Variants in TRAPPC2 observed in about 807,000 individuals in gnomAD.
The protein encoded by TRAPPC2 is sedlin.
In TRAPPC2, 4 loss-of-function variants were observed where a neutral mutation model predicts 10.0. That is an observed-to-expected ratio of 0.40 (90% CI 0.20 to 0.92). TRAPPC2 has a LOEUF of 0.92. Among genes scored for constraint, TRAPPC2 ranks in the 40% least tolerant of loss-of-function variants. TRAPPC2 has a pLI of 0.35. For missense variants in TRAPPC2, 52 were observed against 108.7 expected, an observed-to-expected ratio of 0.48 and a Z score of 2.32; for synonymous variants, 36 against 37.3, an observed-to-expected ratio of 0.97 and a Z score of 0.12.
chrX:13,714,187 T>C lies in TRAPPC2; in HGVS notation c.*220A>G, dbSNP rs1172663570. 1.1e-5 allele frequency: 3 copies of C among 262,578 alleles called. No individual in the cohort carries two copies. In the Admixed American group the frequency reaches 2.0e-4, roughly 17 times the overall value. The allele number at this position is 262,578 out of a possible 1,213,427, so 21.6% of individuals were successfully genotyped here. Reference sequence around the variant, plus strand: ...AACATGATTATTGATAATGAACTCTTTATAAATAACACTGTTCACAAGGAA... The same window carrying C: ...AACATGATTATTGATAATGAACTCTCTATAAATAACACTGTTCACAAGGAA... On this transcript the variant is annotated 3_prime_UTR_variant, in exon 6 of 6. Transcript: ENST00000380579.
intron 2 of TRAPPC2, among the ~76,000 whole-genome samples, chrX:13,727,350 A>T (rs982330380): frequency 8.9e-6 from 1 of 112,379 alleles, no homozygotes; most frequent in Non-Finnish European, 1.9e-5. Context: ...CATAATTGGA[A>T]GTAAAGCACT....
intron 5 of TRAPPC2, among the ~76,000 whole-genome samples, chrX:13,714,763 T>C (rs1006861221): frequency 8.9e-6 from 1 of 112,094 alleles, no homozygotes. Flanking sequence ...CAGTTAACTT[T>C]CAGAATTTAC....
chrX:13,733,660 A>G (rs749840056), intron 2 of TRAPPC2, among the ~76,000 whole-genome samples: 14 of 112,193 alleles, frequency 1.2e-4, no homozygotes, highest in Non-Finnish European at 2.4e-4. Flanking sequence ...CTGTCCTCAC[A>G]GGACTTAGAT....
At position 13,713,415 on chromosome X, in the gene TRAPPC2, A is replaced by T. The variant is rs2046240375; in HGVS notation, c.*992T>A. On this transcript the variant is annotated 3_prime_UTR_variant, in exon 6 of 6. Coordinates refer to ENST00000380579, the MANE Select transcript of TRAPPC2 (RefSeq NM_001011658.4). ...CAGTGAGCCAAGACTGTGCCACTGCACTCCAGCCTGCACAACAGGAGCAAG... is the reference window on the plus strand; with the variant it reads ...CAGTGAGCCAAGACTGTGCCACTGCTCTCCAGCCTGCACAACAGGAGCAAG... The T allele has an allele frequency of 1.0e-5, 1 of 96,580 alleles. No individual in the cohort carries two copies. Among genetic ancestry groups the T allele is most frequent in the Non-Finnish European group, 2.0e-5 (1 of 50,007 alleles). The allele number at this position is 96,580 out of a possible 1,213,427, so 8.0% of individuals were successfully genotyped here. A position where few individuals can be genotyped will look rare whatever the true frequency, so the allele number is the denominator to read the frequency against.
intron 2 of TRAPPC2, among the ~76,000 whole-genome samples, chrX:13,733,156 A>T (rs1324741880): frequency 9.1e-6 from 1 of 109,681 alleles, no homozygotes; most frequent in Non-Finnish European, 1.9e-5. Flanking sequence ...TTTTTTTTTT[A>T]AACAGTGGAC....
In TRAPPC2 at chrX:13,716,090, G is replaced by A; in HGVS notation, c.239-1C>T. ...TCATGAAGCATAATAAACCTCATAT[G>A]TGAAATAATTAAGGCATAATCTTTC... On this transcript the variant is annotated splice_acceptor_variant, in intron 4 of 5. Coordinates refer to ENST00000380579, the MANE Select transcript of TRAPPC2 (RefSeq NM_001011658.4). LOFTEE classifies it high-confidence loss of function. 8.4e-7 allele frequency: 1 copy of A among 1,185,595 alleles called. No homozygotes were observed. Among genetic ancestry groups the A allele is most frequent in the Non-Finnish European group, 1.1e-6 (1 of 879,505 alleles).
intron 2 of TRAPPC2, 22 bp from the exon 3 acceptor site, chrX:13,720,004 C>G: frequency 1.0e-6 from 1 of 990,613 alleles, no homozygotes; most frequent in Non-Finnish European, 1.3e-6. Flanking sequence ...AAAAATAGTA[C>G]ATATTTTTAG....
chrX:13,732,968 G>A (rs934047939), intron 2 of TRAPPC2, among the ~76,000 whole-genome samples: 5 of 112,297 alleles, frequency 4.5e-5, no homozygotes, highest in Non-Finnish European at 7.5e-5. Context: ...ATGAGGAGGG[G>A]CAGTAGGAAT....
rs141195011 is a variant in TRAPPC2 at position 13,725,452 on chromosome X, C to T, written c.-19-5470G>A. ...TGTTCTGCAGCCTCTGCTGGTGATA[C>T]CCAGGCAAACGGGGTCTGGAGTGGA... On this transcript the variant is annotated intron_variant, in intron 2 of 5. Transcript: ENST00000380579. Among the ~76,000 whole-genome samples, 377 of 112,370 alleles carry T rather than the reference C, an allele frequency of 3.4e-3. 1 individual carries two copies. Among genetic ancestry groups the T allele is most frequent in the African/African-American group, 0.012 (363 of 30,953 alleles).
chrX:13,728,629 C>T (rs1389309911), intron 2 of TRAPPC2, among the ~76,000 whole-genome samples: 1 of 111,863 alleles, frequency 8.9e-6, no homozygotes, highest in Admixed American at 9.5e-5. Context: ...TTATGACAAA[C>T]CCACAGCCAA....
chrX:13,731,775 T>A (rs770300202), intron 2 of TRAPPC2, among the ~76,000 whole-genome samples: 1 of 112,128 alleles, frequency 8.9e-6, no homozygotes, highest in African/African-American at 3.2e-5. Context: ...CTAGTAAGGC[T>A]TTGAGGTTGA....
In TRAPPC2 at chrX:13,723,020, G is replaced by A. The variant is rs188627922; in HGVS notation, c.-19-3038C>T. On this transcript the variant is annotated intron_variant, in intron 2 of 5. Coordinates refer to ENST00000380579, the MANE Select transcript of TRAPPC2 (RefSeq NM_001011658.4). ...GGAGCCAGAAGAATGGTGTGAACCC[G>A]GGAGGCGGAGCTTGCAGTGAGCCAA... 2.6e-3 allele frequency among the ~76,000 whole-genome samples: 281 copies of A among 107,756 alleles called. 2 individuals are homozygous for A. The highest frequency in any genetic ancestry group is 8.4e-3 in the African/African-American group (247 of 29,411). The allele number at this position is 107,756 out of a possible 115,157, so 93.6% of individuals were successfully genotyped here.
intron 2 of TRAPPC2, chrX:13,722,208 C>CAGAAAAAAAAAAAAAAAAAA (rs1555898001): frequency 1.9e-4 from 7 of 36,116 alleles, no homozygotes; most frequent in Non-Finnish European, 3.1e-4. Context: ...TAAGCAGCAG[C>CAGAAAAAAAAAAAAAAAAAA]AAAAAAAAAA....
chrX:13,731,757 C>T (rs1277089622), intron 2 of TRAPPC2, among the ~76,000 whole-genome samples: 1 of 112,144 alleles, frequency 8.9e-6, no homozygotes, highest in African/African-American at 3.2e-5. Flanking sequence ...ATTTATGGCA[C>T]AGGGTCTCTA....
intron 2 of TRAPPC2, among the ~76,000 whole-genome samples, chrX:13,730,199 T>C (rs1397908382): frequency 9.3e-6 from 1 of 107,706 alleles, no homozygotes; most frequent in Non-Finnish European, 1.9e-5. Context: ...ATCCAGAATC[T>C]ACAAAGAACT....
chrX:13,727,676 T>A (rs2046582714), intron 2 of TRAPPC2, among the ~76,000 whole-genome samples: 1 of 111,505 alleles, frequency 9.0e-6, no homozygotes, highest in Admixed American at 9.5e-5. Flanking sequence ...ACCCTAACAT[T>A]GCAATTAAAA....
rs1476470403 is a variant in TRAPPC2 at position 13,714,292 on chromosome X, A to G, written c.*115T>C. The G allele has an allele frequency of 1.8e-5, 7 of 389,827 alleles. No homozygotes were observed. The highest frequency in any genetic ancestry group is 3.1e-5 in the Non-Finnish European group (7 of 224,510). The allele number at this position is 389,827 out of a possible 1,213,427, so 32.1% of individuals were successfully genotyped here. On this transcript the variant is annotated 3_prime_UTR_variant, in exon 6 of 6. Transcript: ENST00000380579. ...ATAAAAGGAATTTCATTAGGTTTAG[A>G]TAAGCTGAGAATACACAAAAGTTTT...
intron 3 of TRAPPC2, 81 bp from the exon 4 acceptor site, chrX:13,716,759 T>C (rs1415349181): frequency 1.2e-5 from 13 of 1,069,220 alleles, no homozygotes; most frequent in South Asian, 2.0e-5. Context: ...GTAAATTCTA[T>C]AGATGGTTTT....
intron 5 of TRAPPC2, chrX:13,715,705 T>G: frequency 1.5e-6 from 1 of 650,286 alleles, no homozygotes; most frequent in Non-Finnish European, 1.9e-6. Flanking sequence ...TAGGCTGCTT[T>G]CTTGCTGTCT....
Sources: allele counts gnomAD v4.1 joint callset (sites outside exome capture counted in the v4.1 genomes callset), GRCh38; gene constraint gnomAD v4.1.1; transcripts MANE v1.5; gene names NCBI Gene and HGNC (gene_info 2026-07-23, HGNC 2026-07-21).